RBBP9: variants seen among roughly 807,000 people sequenced by gnomAD.
RBBP9 encodes RB binding protein 9, serine hydrolase, also known as serine hydrolase RBBP9.
Under a neutral mutation model 24.2 loss-of-function variants are expected in RBBP9, and 20 were observed. The ratio of observed to expected loss-of-function variants is 0.83; its 90% CI spans 0.58 to 1.20. The LOEUF (loss-of-function observed/expected upper bound fraction) is 1.20. Ranked by LOEUF, RBBP9 falls within the 50% of genes most tolerant of loss-of-function variation. RBBP9 has a pLI of 0.00. For missense variants in RBBP9, 234 were observed against 233.6 expected (o/e 1.00, Z -0.01); for synonymous variants, 74 against 84.6 (o/e 0.87, Z 0.69).
chr20:18,497,052 C>G lies in RBBP9; in HGVS notation c.99+17G>C. 2 of 1,607,526 alleles carry G rather than the reference C, an allele frequency of 1.2e-6. No homozygotes were observed. ...CCTCCAGGCTGACTTCACGGAGCAG[C>G]GGCGTTGGGCGCTTACCTTCTCCAG... On this transcript the variant is annotated intron_variant, in intron 1 of 4. Transcript: ENST00000337227.
At position 18,495,891 on chromosome 20, in the gene RBBP9, AG is replaced by A; in HGVS notation, c.100-12del. 4 of 1,528,472 alleles carry A rather than the reference AG, an allele frequency of 2.6e-6. No homozygotes were observed. The highest frequency in any genetic ancestry group is 2.7e-6 in the Non-Finnish European group (3 of 1,119,968). The allele number at this position is 1,528,472 out of a possible 1,614,324, so 94.7% of individuals were successfully genotyped here. A position where few individuals can be genotyped will look rare whatever the true frequency, so the allele number is the denominator to read the frequency against. On this transcript the variant is annotated splice_polypyrimidine_tract_variant and intron_variant, in intron 1 of 4. Coordinates refer to ENST00000337227, the MANE Select transcript of RBBP9 (RefSeq NM_006606.3). Reference sequence around the variant, plus strand: ...CTGGAAACCAGGTATCTATGATATGAGGGGGGAGAAAAAGCTATAATAAAGA... The same window carrying A: ...CTGGAAACCAGGTATCTATGATATGAGGGGGAGAAAAAGCTATAATAAAGA...
chr20:18,488,857 G>A lies in RBBP9; in HGVS notation c.*907C>T, dbSNP rs550987840. 1 of 152,008 alleles carries A rather than the reference G, an allele frequency of 6.6e-6. No homozygotes were observed. Among genetic ancestry groups the A allele is most frequent in the Non-Finnish European group, 1.5e-5 (1 of 68,002 alleles). 9.4% of individuals were successfully genotyped at this position (152,008 alleles called of 1,614,324 possible). On this transcript the variant is annotated 3_prime_UTR_variant, in exon 5 of 5. Transcript: ENST00000337227. ...TTATGACTGTGGTCACAAATGGATG[G>A]CTTGGATTTTATTTGTCTTGCAGTG...
Position 18,488,500 on chromosome 20 carries a change from A to G in RBBP9, c.*1264T>C. 6.6e-6 allele frequency: 1 copy of G among 152,624 alleles called. No homozygotes were observed. The highest frequency in any genetic ancestry group is 2.0e-4 in the South Asian group (1 of 4,958). The allele number at this position is 152,624 out of a possible 1,614,324, so 9.5% of individuals were successfully genotyped here. On this transcript the variant is annotated 3_prime_UTR_variant, in exon 5 of 5. Coordinates refer to ENST00000337227, the MANE Select transcript of RBBP9 (RefSeq NM_006606.3). ...TGGCTGGCCTCAAACACCTGGCCTC[A>G]AGCAATACAACCACCTCAGCCTCCC...
chr20:18,496,978 T>G, intron 1 of RBBP9, 91 bp downstream of exon 1: 10 of 1,018,432 alleles, frequency 9.8e-6, no homozygotes, highest in Non-Finnish European at 1.5e-5. Flanking sequence ...CTAGAGGGGA[T>G]TAGACGCCTA....
chr20:18,495,063 G>A (rs919196151), intron 2 of RBBP9, among the ~76,000 whole-genome samples: 3 of 151,508 alleles, frequency 2.0e-5, no homozygotes, highest in East Asian at 1.9e-4. Flanking sequence ...CCCTCTGTCC[G>A]GCCACCACCC....
rs574960857 is a variant in RBBP9, at chr20:18,495,062, C to T, written c.142+776G>A. ...CTGGGAAGTGAGGAGCCCCTCTGTC[C>T]GGCCACCACCCCGTCTGGGAGGTGT... On this transcript the variant is annotated intron_variant, in intron 2 of 4. Coordinates refer to ENST00000337227, the MANE Select transcript of RBBP9 (RefSeq NM_006606.3). Among the ~76,000 whole-genome samples, 380 of 151,592 alleles carry T rather than the reference C, an allele frequency of 2.5e-3. 4 individuals carry two copies. Among genetic ancestry groups the T allele is most frequent in the African/African-American group, 8.6e-3 (354 of 41,284 alleles).
In RBBP9 at chr20:18,491,553, A is replaced by G. The variant is rs116268231; in HGVS notation, c.249-1073T>C. On this transcript the variant is annotated intron_variant, in intron 3 of 4. Coordinates refer to ENST00000337227, the MANE Select transcript of RBBP9 (RefSeq NM_006606.3). ...GATTGACTAGATCTAGGTGAAAAGTACTACAGATAATAAGATATAAAGAGG... is the reference window on the plus strand; with the variant it reads ...GATTGACTAGATCTAGGTGAAAAGTGCTACAGATAATAAGATATAAAGAGG... Among the ~76,000 whole-genome samples the G allele has an allele frequency of 3.5e-3, 533 of 152,342 alleles. 3 individuals are homozygous for G. The highest frequency in any genetic ancestry group is 0.012 in the African/African-American group (502 of 41,576).
intron 1 of RBBP9, among the ~76,000 whole-genome samples, chr20:18,496,447 C>G (rs920190996): frequency 6.6e-6 from 1 of 152,176 alleles, no homozygotes; most frequent in Non-Finnish European, 1.5e-5. Context: ...TAAGATGCCA[C>G]TTTTATAAAG....
At chr20:18,495,229 T>C (rs1369516829) in intron 2 of RBBP9, among the ~76,000 whole-genome samples, 4 of 147,080 alleles carry the variant, frequency 2.7e-5, no homozygotes, top group African/African-American at 1.0e-4. Context: ...GACTTTTCAT[T>C]TTGTTCTGTA....
At chr20:18,495,608 T>C (rs1411587963) in intron 2 of RBBP9, among the ~76,000 whole-genome samples, 1 of 54,724 alleles carries the variant, frequency 1.8e-5, no homozygotes, top group Non-Finnish European at 4.0e-5. Context: ...AATAAATAAA[T>C]AAATAAATAA....
At chr20:18,496,352 G>A (rs2059886763) in intron 1 of RBBP9, among the ~76,000 whole-genome samples, 1 of 152,194 alleles carries the variant, frequency 6.6e-6, no homozygotes, top group Non-Finnish European at 1.5e-5. Context: ...CGCTCTAGAG[G>A]ACAGCAACCC....
intron 2 of RBBP9, among the ~76,000 whole-genome samples, chr20:18,494,587 A>T (rs945768970): frequency 4.6e-5 from 7 of 152,094 alleles, no homozygotes; most frequent in African/African-American, 1.7e-4. Context: ...AGGCTGACAC[A>T]GGAGAATCAC....
At position 18,487,752 on chromosome 20, in the gene RBBP9, GAC is replaced by G. The variant is rs2059849304; in HGVS notation, c.*2010_*2011del. On this transcript the variant is annotated 3_prime_UTR_variant, in exon 5 of 5. Coordinates refer to ENST00000337227, the MANE Select transcript of RBBP9 (RefSeq NM_006606.3). ...GGATCACTTGAGGCCAGGAGTTCGAGACCAGCCTGGCCAACATGGTGAAACCC... is the reference window on the plus strand; with the variant it reads ...GGATCACTTGAGGCCAGGAGTTCGAGCAGCCTGGCCAACATGGTGAAACCC... The G allele has an allele frequency of 6.6e-6, 1 of 152,192 alleles. No homozygotes were observed. The highest frequency in any genetic ancestry group is 1.5e-5 in the Non-Finnish European group (1 of 68,056). The allele number at this position is 152,192 out of a possible 1,614,324, so 9.4% of individuals were successfully genotyped here.
At position 18,497,209 on chromosome 20, in the gene RBBP9, A is replaced by T. The variant is rs368267509; in HGVS notation, c.-42T>A. The T allele has an allele frequency of 6.6e-7, 1 of 1,520,270 alleles. No individual in the cohort carries two copies. The highest frequency in any genetic ancestry group is 1.4e-5 in the African/African-American group (1 of 72,664). The allele number at this position is 1,520,270 out of a possible 1,614,324, so 94.2% of individuals were successfully genotyped here. ...GAGTTCCCCAGCGCGGGTCCAGCGG[A>T]GCTGAGCCCAGCCTGCTCCCGCAGG... On this transcript the variant is annotated 5_prime_UTR_variant, in exon 1 of 5. Transcript: ENST00000337227.
rs764996858 is a variant in RBBP9, at chr20:18,493,962, T to G, written c.244A>C (p.Met82Leu). ...IGHSSGAIAA[M>L]RYAETHRVYA... is the part of the protein sequence containing the mutation. ...GCAGTTTAACAAAGATCGCACCTCA[T>G]GGCCGCGATGGCCCCAGAACTGTGG... The change falls in exon 3 of 5, where the codon ATG (methionine) becomes CTG (leucine). Residue 82 changes from methionine (M) to leucine (L), a missense_variant. Physicochemically the swap from Met to Leu is conservative, Grantham distance 15. Coordinates refer to ENST00000337227, the MANE Select transcript of RBBP9 (RefSeq NM_006606.3). The G allele has an allele frequency of 4.4e-6, 7 of 1,606,732 alleles. No individual in the cohort carries two copies. The highest frequency in any genetic ancestry group is 1.7e-4 in the Middle Eastern group (1 of 5,998).
rs1568586616 is a variant in RBBP9 at position 18,490,379 on chromosome 20, C to CT, written c.334+15dup. 6.2e-7 allele frequency: 1 copy of CT among 1,602,146 alleles called. No homozygotes were observed. On this transcript the variant is annotated intron_variant, in intron 4 of 4. Coordinates refer to ENST00000337227, the MANE Select transcript of RBBP9 (RefSeq NM_006606.3). ...CTAGAGAAGGGCTTTGCTCAGATTTCTACCTTTGGACTTACCACTTGCACG... is the reference window on the plus strand; with the variant it reads ...CTAGAGAAGGGCTTTGCTCAGATTTCTTACCTTTGGACTTACCACTTGCACG...
chr20:18,493,034 C>T (rs1275829996), intron 3 of RBBP9, among the ~76,000 whole-genome samples: 1 of 152,160 alleles, frequency 6.6e-6, no homozygotes, highest in East Asian at 1.9e-4. Context: ...GCAAGATTCC[C>T]TGACATGCAA....
At chr20:18,497,026 C>T in intron 1 of RBBP9, 43 bp downstream of exon 1, 3 of 1,537,034 alleles carry the variant, frequency 2.0e-6, no homozygotes, top group Non-Finnish European at 2.7e-6. Flanking sequence ...CGCCGTCCCT[C>T]CCTCCAGGCT....
chr20:18,495,892 G>A lies in RBBP9; in HGVS notation c.100-12C>T. On this transcript the variant is annotated splice_polypyrimidine_tract_variant and intron_variant, in intron 1 of 4. Transcript: ENST00000337227. ...TGGAAACCAGGTATCTATGATATGA[G>A]GGGGGAGAAAAAGCTATAATAAAGA... 6.6e-7 allele frequency: 1 copy of A among 1,526,238 alleles called. No individual in the cohort carries two copies. Among genetic ancestry groups the A allele is most frequent in the Non-Finnish European group, 8.9e-7 (1 of 1,118,790 alleles). 94.5% of individuals were successfully genotyped at this position (1,526,238 alleles called of 1,614,324 possible). A position where few individuals can be genotyped will look rare whatever the true frequency, so the allele number is the denominator to read the frequency against.
Sources: allele counts gnomAD v4.1 joint callset (sites outside exome capture counted in the v4.1 genomes callset), GRCh38; gene constraint gnomAD v4.1.1; transcripts MANE v1.5; gene names NCBI Gene and HGNC (gene_info 2026-07-23, HGNC 2026-07-21).